Variants in NAAA observed in about 807,000 individuals in gnomAD.
NAAA encodes the protein N-acylethanolamine acid amidase.
Under a neutral mutation model 44.8 loss-of-function variants are expected in NAAA, and 39 were observed. That is an observed-to-expected ratio of 0.87 (90% CI 0.67 to 1.14). The LOEUF is 1.14. Ranked by LOEUF, NAAA falls within the 50% of genes most tolerant of loss-of-function variation. The probability of loss-of-function intolerance (pLI) is 0.00; values close to 1 mark genes in which losing one functional copy is unlikely to be tolerated. For missense variants in NAAA, 460 were observed against 467.8 expected, an observed-to-expected ratio of 0.98 and a Z score of 0.15; for synonymous variants, 178 against 191.3, an observed-to-expected ratio of 0.93 and a Z score of 0.58.
intron 7 of NAAA, among the ~76,000 whole-genome samples, chr4:75,920,362 G>A (rs77500138): frequency 0.023 from 3,458 of 152,284 alleles, 133 homozygotes; most frequent in African/African-American, 0.078. Flanking sequence ...TTTATTTATT[G>A]TTTAAATAAG....
intron 3 of NAAA, 156 bp downstream of exon 3, chr4:75,935,953 T>A (rs1311848777): frequency 1.2e-6 from 1 of 804,966 alleles, no homozygotes; most frequent in East Asian, 2.7e-5. Context: ...TAAGCATAAT[T>A]GATGCAAACC....
At chr4:75,911,433 T>C (rs899642831), downstream of NAAA, 2 of 469,398 alleles carry the variant, frequency 4.3e-6, no homozygotes, top group Non-Finnish European at 8.7e-6. Flanking sequence ...AGCAGGAGCA[T>C]GGATGTTATT....
rs1726056526 is a variant in NAAA, at chr4:75,920,601, G to A, written c.902+137C>T. The A allele has an allele frequency of 9.7e-6, 10 of 1,028,056 alleles. No individual in the cohort carries two copies. In the South Asian group the frequency reaches 1.3e-4, roughly 13 times the overall value. The allele number at this position is 1,028,056 out of a possible 1,614,324, so 63.7% of individuals were successfully genotyped here. On this transcript the variant is annotated intron_variant, in intron 7 of 10. Coordinates refer to ENST00000286733, the MANE Select transcript of NAAA (RefSeq NM_014435.4). ...CACACAACACTCCCTTCCCAGCCAA[G>A]GCACTGGCGAAGGGGCTCAGGTACA...
chr4:75,919,808 T>C, intron 8 of NAAA, 101 bp downstream of exon 8: 2 of 1,189,196 alleles, frequency 1.7e-6, no homozygotes, highest in South Asian at 1.2e-5. Flanking sequence ...ACTTTTACCC[T>C]AACGTTTTCA....
chr4:75,913,772 G>C lies in NAAA; in HGVS notation c.*603C>G. The C allele has an allele frequency of 6.1e-6, 6 of 983,542 alleles. No individual in the cohort carries two copies. Among genetic ancestry groups the C allele is most frequent in the Non-Finnish European group, 7.2e-6 (6 of 828,324 alleles). The allele number at this position is 983,542 out of a possible 1,614,324, so 60.9% of individuals were successfully genotyped here. ...GCATATTATTTTCAAAAAGCAGTAA[G>C]AAAGTAGCTATTGAGAAAGAAGGAG... On this transcript the variant is annotated 3_prime_UTR_variant, in exon 11 of 11. Coordinates refer to ENST00000286733, the MANE Select transcript of NAAA (RefSeq NM_014435.4).
chr4:75,939,491 C>G (rs1377027357), intron 2 of NAAA, among the ~76,000 whole-genome samples: 3 of 150,856 alleles, frequency 2.0e-5, no homozygotes, highest in Non-Finnish European at 4.4e-5. Flanking sequence ...TCGCGGCTCG[C>G]TGCAACCTCC....
chr4:75,916,778 C>CTTTTTTTTTT (rs35739236), intron 9 of NAAA, among the ~76,000 whole-genome samples: 1 of 76,976 alleles, frequency 1.3e-5, no homozygotes, highest in African/African-American at 4.7e-5. Flanking sequence ...TTCATCACTT[C>CTTTTTTTTTT]TTTTTTTTTT....
At chr4:75,918,363 G>A (rs1048243413) in intron 9 of NAAA, among the ~76,000 whole-genome samples, 1 of 152,144 alleles carries the variant, frequency 6.6e-6, no homozygotes, top group Non-Finnish European at 1.5e-5. Context: ...GCTGAGGCAG[G>A]AGAATGGTGT....
chr4:75,933,899 A>G (rs543807512), intron 3 of NAAA, among the ~76,000 whole-genome samples: 2 of 151,762 alleles, frequency 1.3e-5, no homozygotes, highest in South Asian at 2.1e-4. Context: ...GTGTGGTGGC[A>G]CCCTCCTATA....
Position 75,936,190 on chromosome 4 carries a change from G to A in NAAA, c.417C>T (p.Tyr139=), listed in dbSNP as rs772000369. Reference sequence around the variant, plus strand: ...AAGGATAATCCAAATTCCGACCATGGTAAATGTGGCCTCTGGAGTCTTGAG... The same window carrying A: ...AAGGATAATCCAAATTCCGACCATGATAAATGTGGCCTCTGGAGTCTTGAG... ...IVAQDSRGHI[Y]HGRNLDYPFG... The change falls in exon 3 of 11, where the codon TAC becomes TAT. Residue 139 remains tyrosine (Y), a synonymous_variant. Transcript: ENST00000286733. 1.9e-6 allele frequency: 3 copies of A among 1,614,006 alleles called. No individual in the cohort carries two copies. Among genetic ancestry groups the A allele is most frequent in the East Asian group, 4.5e-5 (2 of 44,862 alleles).
At chr4:75,932,067 T>C (rs1227360631) in intron 3 of NAAA, among the ~76,000 whole-genome samples, 4 of 152,080 alleles carry the variant, frequency 2.6e-5, no homozygotes, top group Non-Finnish European at 5.9e-5. Flanking sequence ...TGGATTCTAC[T>C]AAAAATACAA....
At chr4:75,936,865 T>C (rs1727767580) in intron 2 of NAAA, among the ~76,000 whole-genome samples, 2 of 152,216 alleles carry the variant, frequency 1.3e-5, no homozygotes, top group South Asian at 4.1e-4. Context: ...TCTATCCATA[T>C]TCTCTGAGAA....
intron 3 of NAAA, 160 bp downstream of exon 3, chr4:75,935,949 T>A: frequency 1.3e-6 from 1 of 773,828 alleles, no homozygotes; most frequent in Non-Finnish European, 2.1e-6. Flanking sequence ...CCTATAAGCA[T>A]AATTGATGCA....
rs374582678 is a variant in NAAA at position 75,914,217 on chromosome 4, C to G, written c.*158G>C. 4 of 985,738 alleles carry G rather than the reference C, an allele frequency of 4.1e-6. No individual in the cohort carries two copies. The highest frequency in any genetic ancestry group is 2.3e-4 in the East Asian group (2 of 8,818). The allele number at this position is 985,738 out of a possible 1,614,324, so 61.1% of individuals were successfully genotyped here. A position where few individuals can be genotyped will look rare whatever the true frequency, so the allele number is the denominator to read the frequency against. The stretch of plus-strand genomic sequence containing the variant: ...AACTCCAAATCTCCTGGACCCACTT[C>G]GCAAGGTTGTAAAGTTAAATGAGGA... On this transcript the variant is annotated 3_prime_UTR_variant, in exon 11 of 11. Coordinates refer to ENST00000286733, the MANE Select transcript of NAAA (RefSeq NM_014435.4).
At chr4:75,921,697 T>G (rs1442273334) in intron 5 of NAAA, among the ~76,000 whole-genome samples, 1 of 152,148 alleles carries the variant, frequency 6.6e-6, no homozygotes, top group African/African-American at 2.4e-5. Context: ...ATCGCATGAA[T>G]TGAAGCTAAA....
Position 75,913,757 on chromosome 4 carries a change from T to C in NAAA, c.*618A>G, listed in dbSNP as rs1163530842. On this transcript the variant is annotated 3_prime_UTR_variant, in exon 11 of 11. Coordinates refer to ENST00000286733, the MANE Select transcript of NAAA (RefSeq NM_014435.4). ...AGAAATAATTTGGTTGCATATTATT[T>C]TCAAAAAGCAGTAAGAAAGTAGCTA... 1.0e-6 allele frequency: 1 copy of C among 982,758 alleles called. No individual in the cohort carries two copies. Among genetic ancestry groups the C allele is most frequent in the Non-Finnish European group, 1.2e-6 (1 of 827,698 alleles). The allele number at this position is 982,758 out of a possible 1,614,324, so 60.9% of individuals were successfully genotyped here.
rs758054755 is a variant in NAAA at position 75,921,019 on chromosome 4, C to T, written c.771G>A (p.Glu257=). The T allele has an allele frequency of 6.2e-7, 1 of 1,609,772 alleles. No homozygotes were observed. The highest frequency in any genetic ancestry group is 1.7e-5 in the Admixed American group (1 of 58,306). The stretch of plus-strand genomic sequence containing the variant: ...CTCTGTTCCTCGTGATGACCACCCC[C>T]TCCCGGGGGGACGTGCCACCAACAA... ...YYIVGGTSPR[E]GVVITRNRDG... Residue 257 remains glutamate, a synonymous_variant, in exon 6 of 11, where the codon GAG becomes GAA. Coordinates refer to ENST00000286733, the MANE Select transcript of NAAA (RefSeq NM_014435.4).
chr4:75,939,082 A>C (rs1262868723), intron 2 of NAAA, among the ~76,000 whole-genome samples: 2 of 151,884 alleles, frequency 1.3e-5, no homozygotes, highest in Non-Finnish European at 2.9e-5. Context: ...TGAACTCCTG[A>C]CCTCAGGTGA....
At chr4:75,940,211 C>G in intron 1 of NAAA, 46 bp from the exon 2 acceptor site, 1 of 1,584,118 alleles carries the variant, frequency 6.3e-7, no homozygotes, top group Non-Finnish European at 8.6e-7. Context: ...CAGAGGTCGG[C>G]GGCGTGCGAC....
Sources: gnomAD v4.1 joint callset for allele counts (sites outside exome capture counted in the v4.1 genomes callset) on GRCh38, gnomAD v4.1.1 for gene constraint, MANE v1.5 for transcripts, NCBI Gene and HGNC (gene_info 2026-07-23, HGNC 2026-07-21) for gene names.